The following DGAT2 variants were observed in gnomAD, a reference collection of about 807,000 sequenced individuals.
The protein encoded by DGAT2 is diacylglycerol O-acyltransferase 2.
Under a neutral mutation model 48.4 loss-of-function variants are expected in DGAT2, and 33 were observed. The observed-to-expected ratio is 0.68, with a 90% CI of 0.52 to 0.91. The LOEUF is 0.91. DGAT2 is among the 40% of genes least tolerant of loss of function. The pLI, the probability that DGAT2 is intolerant of heterozygous loss-of-function variation, is 0.00. For missense variants in DGAT2, 446 were observed against 493.7 expected, an observed-to-expected ratio of 0.90 and a Z score of 0.92; for synonymous variants, 191 against 194.1, an observed-to-expected ratio of 0.98 and a Z score of 0.13.
rs116513802 is a variant in DGAT2 at position 75,777,802 on chromosome 11, C to T, written c.122-6816C>T. ...CTACCAGTGCTTCGCCATGTACGCT[C>T]AGGGCCTCCTCTCCATAGGCCAGGG... On this transcript the variant is annotated intron_variant, in intron 1 of 7. Coordinates refer to ENST00000228027, the MANE Select transcript of DGAT2 (RefSeq NM_032564.5). Among the ~76,000 whole-genome samples, 1,511 of 152,332 alleles carry T rather than the reference C, an allele frequency of 9.9e-3. 28 individuals carry two copies. The highest frequency in any genetic ancestry group is 0.035 in the African/African-American group (1,456 of 41,566).
At chr11:75,781,386 G>A (rs1379465646) in intron 1 of DGAT2, among the ~76,000 whole-genome samples, 1 of 152,126 alleles carries the variant, frequency 6.6e-6, no homozygotes, top group African/African-American at 2.4e-5. Flanking sequence ...GAGGTGGACT[G>A]GGGGCTCCCA....
chr11:75,770,297 A>G (rs978403467), intron 1 of DGAT2, among the ~76,000 whole-genome samples: 1 of 152,078 alleles, frequency 6.6e-6, no homozygotes, highest in Admixed American at 6.6e-5. Flanking sequence ...TGACCTAGGC[A>G]TTGGCATTGC....
At chr11:75,769,237 G>A in intron 1 of DGAT2, 125 bp downstream of exon 1, 1 of 1,232,746 alleles carries the variant, frequency 8.1e-7, no homozygotes, top group Non-Finnish European at 1.1e-6. Flanking sequence ...CAATTTTTAC[G>A]ACCTCTGTTA....
chr11:75,789,862 C>T (rs537577836), intron 2 of DGAT2, among the ~76,000 whole-genome samples: 1 of 152,262 alleles, frequency 6.6e-6, no homozygotes, highest in Admixed American at 6.5e-5. Context: ...TGGGGGCGCA[C>T]ACAAGGAGGG....
rs558835232 is a variant in DGAT2, at chr11:75,800,519, G to A, written c.*11G>A. Reference sequence around the variant, plus strand: ...CTGGAGGTGAACTGAGCCAGCCTTCGGGGCCAATTCCCTGGAGGAACCAGC... The same window carrying A: ...CTGGAGGTGAACTGAGCCAGCCTTCAGGGCCAATTCCCTGGAGGAACCAGC... On this transcript the variant is annotated 3_prime_UTR_variant, in exon 8 of 8. Coordinates refer to ENST00000228027, the MANE Select transcript of DGAT2 (RefSeq NM_032564.5). The A allele has an allele frequency of 1.2e-5, 20 of 1,613,080 alleles. No homozygotes were observed. The highest frequency in any genetic ancestry group is 9.9e-5 in the South Asian group (9 of 90,854).
intron 3 of DGAT2, 148 bp from the exon 4 acceptor site, chr11:75,790,509 TGAAG>T (rs1944976199): frequency 2.4e-6 from 2 of 850,822 alleles, no homozygotes; most frequent in African/African-American, 3.3e-5. Context: ...TTGCATAACA[TGAAG>T]GAATGAATGT....
chr11:75,776,353 T>G (rs1294666989), intron 1 of DGAT2: 1 of 152,204 alleles, frequency 6.6e-6, no homozygotes, highest in East Asian at 1.9e-4. Flanking sequence ...TCCCTGCAAA[T>G]GCACACACAT....
chr11:75,771,708 T>TC (rs1398176685), intron 1 of DGAT2, among the ~76,000 whole-genome samples: 7 of 152,040 alleles, frequency 4.6e-5, no homozygotes, highest in Admixed American at 2.0e-4. Flanking sequence ...TGCTTCCCTC[T>TC]CCAATTCCGT....
chr11:75,790,625 C>T, intron 3 of DGAT2, 36 bp from the exon 4 acceptor site: 1 of 1,602,776 alleles, frequency 6.2e-7, no homozygotes, highest in Non-Finnish European at 8.5e-7. Flanking sequence ...AAATGTACCC[C>T]CACCCCCACC....
At position 75,796,311 on chromosome 11, in the gene DGAT2, CA is replaced by C. The variant is rs1235576474; in HGVS notation, c.430-15del. 2 of 1,611,220 alleles carry C rather than the reference CA, an allele frequency of 1.2e-6. No individual in the cohort carries two copies. The highest frequency in any genetic ancestry group is 8.5e-7 in the Non-Finnish European group (1 of 1,177,768). ...CTCTCCCAGCCAGTTTCCTCTGACC[CA>C]AGGTCATCCTTGCAGCTGGTGAAGA... is the stretch of plus-strand genomic sequence containing the variant. On this transcript the variant is annotated splice_polypyrimidine_tract_variant and intron_variant, in intron 4 of 7. Transcript: ENST00000228027.
intron 5 of DGAT2, 171 bp downstream of exon 5, chr11:75,796,703 C>T: frequency 1.5e-6 from 1 of 657,694 alleles, no homozygotes; most frequent in East Asian, 2.8e-5. Context: ...GAGAGCTGTC[C>T]ATATGGTCTT....
At chr11:75,784,429 G>A in intron 1 of DGAT2, 189 bp from the exon 2 acceptor site, 2 of 637,204 alleles carry the variant, frequency 3.1e-6, no homozygotes, top group South Asian at 4.6e-5. Context: ...GCACAGGGGA[G>A]CATGCAGACA....
intron 1 of DGAT2, among the ~76,000 whole-genome samples, chr11:75,782,226 T>G (rs1440397256): frequency 1.3e-5 from 2 of 152,198 alleles, no homozygotes; most frequent in African/African-American, 2.4e-5. Flanking sequence ...GTGTTTGGAC[T>G]GAAGCATTTA....
chr11:75,772,531 C>G (rs1021326154), intron 1 of DGAT2, among the ~76,000 whole-genome samples: 3 of 152,176 alleles, frequency 2.0e-5, no homozygotes, highest in African/African-American at 7.2e-5. Context: ...CAGTCAATCT[C>G]CTCTCAGAGG....
intron 1 of DGAT2, among the ~76,000 whole-genome samples, chr11:75,780,829 C>T (rs1203941754): frequency 6.6e-6 from 1 of 152,246 alleles, no homozygotes; most frequent in African/African-American, 2.4e-5. Flanking sequence ...GCCAAACTCA[C>T]AGGAGTCCAA....
In DGAT2 at chr11:75,768,819, C is replaced by T. The variant is rs7934862; in HGVS notation, c.-173C>T. The T allele has an allele frequency of 7.9e-3, 6,425 of 810,256 alleles. 239 individuals are homozygous for T. The African/African-American group carries it at 0.087, about 11-fold the overall frequency. The allele number at this position is 810,256 out of a possible 1,614,324, so 50.2% of individuals were successfully genotyped here. On this transcript the variant is annotated 5_prime_UTR_variant, in exon 1 of 8. Coordinates refer to ENST00000228027, the MANE Select transcript of DGAT2 (RefSeq NM_032564.5). ...CTGCTGGGGTCTAGGCTGTTTCTCT[C>T]GCGCCACCACTGGCCGCCGGCCGCA... is the stretch of plus-strand genomic sequence containing the variant.
intron 6 of DGAT2, 98 bp from the exon 7 acceptor site, chr11:75,798,129 G>C: frequency 7.9e-7 from 1 of 1,260,458 alleles, no homozygotes; most frequent in Non-Finnish European, 1.1e-6. Context: ...ACCCAGCTGG[G>C]GGAGGGGGAT....
At chr11:75,792,750 G>A (rs901400480) in intron 4 of DGAT2, 2 of 151,740 alleles carry the variant, frequency 1.3e-5, no homozygotes, top group Admixed American at 6.6e-5. Flanking sequence ...CAGAATCCTT[G>A]GAGAGGAGAC....
intron 2 of DGAT2, among the ~76,000 whole-genome samples, chr11:75,788,767 A>T (rs923423541): frequency 3.3e-5 from 5 of 152,150 alleles, no homozygotes; most frequent in Non-Finnish European, 7.3e-5. Context: ...AAAGTCCTAG[A>T]AGGAGTCCAT....
Sources: allele counts gnomAD v4.1 joint callset (sites outside exome capture counted in the v4.1 genomes callset), GRCh38; gene constraint gnomAD v4.1.1; transcripts MANE v1.5; gene names NCBI Gene and HGNC (gene_info 2026-07-23, HGNC 2026-07-21).